The following PTN variants were observed in gnomAD, a reference collection of about 807,000 sequenced individuals.
The protein encoded by PTN is pleiotrophin.
A neutral mutation model predicts 24.1 loss-of-function variants in PTN; 18 were observed. The ratio of observed to expected loss-of-function variants is 0.75; its 90% CI spans 0.52 to 1.11. The LOEUF (loss-of-function observed/expected upper bound fraction) is 1.11, where lower values mean the gene tolerates loss of function less well. Among genes scored for constraint, PTN ranks in the 50% least tolerant of loss-of-function variants. The probability of loss-of-function intolerance (pLI) is 0.00; values close to 1 mark genes in which losing one functional copy is unlikely to be tolerated. For missense variants in PTN, 163 were observed against 198.8 expected, an observed-to-expected ratio of 0.82 and a Z score of 1.08; for synonymous variants, 78 against 68.6, an observed-to-expected ratio of 1.14 and a Z score of -0.67.
intron 4 of PTN, 101 bp from the exon 5 acceptor site, chr7:137,228,176 C>A (rs1424461660): frequency 4.0e-6 from 3 of 747,922 alleles, no homozygotes; most frequent in Non-Finnish European, 6.9e-6. Context: ...ATTGACCAGA[C>A]TGATACACAA....
At chr7:137,319,894 T>C (rs911160156) in intron 1 of PTN, among the ~76,000 whole-genome samples, 1 of 152,164 alleles carries the variant, frequency 6.6e-6, no homozygotes, top group African/African-American at 2.4e-5. Context: ...GAGTCTTATG[T>C]GGTCTAGGTC....
At chr7:137,269,095 G>T (rs1250769209) in intron 1 of PTN, among the ~76,000 whole-genome samples, 1 of 152,030 alleles carries the variant, frequency 6.6e-6, no homozygotes, top group East Asian at 1.9e-4. Flanking sequence ...TATGAGATTT[G>T]ACCTCAATAC....
At chr7:137,284,600 G>C (rs1225509305) in intron 1 of PTN, among the ~76,000 whole-genome samples, 1 of 151,962 alleles carries the variant, frequency 6.6e-6, no homozygotes, top group African/African-American at 2.4e-5. Flanking sequence ...AGAGTATCTT[G>C]GTTTCAGGAA....
chr7:137,281,168 G>A (rs1009893331), intron 1 of PTN, among the ~76,000 whole-genome samples: 3 of 151,798 alleles, frequency 2.0e-5, no homozygotes, highest in Non-Finnish European at 4.4e-5. Flanking sequence ...CCTAATGAAA[G>A]TCTTCAAGAG....
intron 1 of PTN, among the ~76,000 whole-genome samples, chr7:137,277,754 T>C (rs1209190116): frequency 6.6e-6 from 1 of 152,040 alleles, no homozygotes; most frequent in Non-Finnish European, 1.5e-5. Context: ...ATTTTTCATA[T>C]AGATAAGGTA....
At chr7:137,308,868 C>T (rs903121364) in intron 1 of PTN, among the ~76,000 whole-genome samples, 7 of 152,166 alleles carry the variant, frequency 4.6e-5, no homozygotes, top group African/African-American at 1.7e-4. Flanking sequence ...CTGACACTGA[C>T]ATTTTGACCC....
chr7:137,266,019 T>C (rs549254458), intron 1 of PTN, among the ~76,000 whole-genome samples: 1 of 152,356 alleles, frequency 6.6e-6, no homozygotes, highest in Non-Finnish European at 1.5e-5. Context: ...GTGTTATTAA[T>C]GTTAAACTTA....
In PTN at chr7:137,270,786, T is replaced by C. The variant is rs148663450; in HGVS notation, c.-1-15812A>G. Among the ~76,000 whole-genome samples the C allele has an allele frequency of 3.1e-3, 473 of 152,236 alleles. 5 individuals are homozygous for C. Among genetic ancestry groups the C allele is most frequent in the African/African-American group, 0.011 (456 of 41,524 alleles). The stretch of plus-strand genomic sequence containing the variant: ...TCATACACAAGGTAATTTCTGATTG[T>C]GGAAAATTTGTGACAAGAAAATTAA... On this transcript the variant is annotated intron_variant, in intron 1 of 4. Coordinates refer to ENST00000348225, the MANE Select transcript of PTN (RefSeq NM_002825.7).
At chr7:137,275,361 C>A (rs1435793448) in intron 1 of PTN, among the ~76,000 whole-genome samples, 2 of 152,032 alleles carry the variant, frequency 1.3e-5, no homozygotes, top group African/African-American at 2.4e-5. Context: ...GCTGAAGCCC[C>A]AGAATTATCA....
At chr7:137,277,609 A>G (rs1809382084) in intron 1 of PTN, among the ~76,000 whole-genome samples, 1 of 152,274 alleles carries the variant, frequency 6.6e-6, no homozygotes, top group African/African-American at 2.4e-5. Flanking sequence ...TCACTCTGCC[A>G]CCCAGGATGG....
chr7:137,243,549 A>G (rs1053415052), intron 4 of PTN, among the ~76,000 whole-genome samples: 5 of 152,206 alleles, frequency 3.3e-5, no homozygotes, highest in Non-Finnish European at 5.9e-5. Flanking sequence ...ATGCCATGCA[A>G]GACCCTTGAA....
chr7:137,248,186 G>A (rs1187004446), intron 4 of PTN, among the ~76,000 whole-genome samples: 4 of 152,074 alleles, frequency 2.6e-5, no homozygotes, highest in East Asian at 1.9e-4. Flanking sequence ...AATTAGAGAC[G>A]TGCAAAGGAA....
intron 1 of PTN, among the ~76,000 whole-genome samples, chr7:137,301,668 T>A (rs2128878640): frequency 6.6e-6 from 1 of 151,852 alleles, no homozygotes; most frequent in Admixed American, 6.6e-5. Context: ...ACCAATGAGC[T>A]CCTTTATAGA....
intron 1 of PTN, among the ~76,000 whole-genome samples, chr7:137,289,442 C>T (rs1309787830): frequency 6.6e-6 from 1 of 152,146 alleles, no homozygotes; most frequent in Non-Finnish European, 1.5e-5. Context: ...ACCACGAATC[C>T]AAGTGTTGCT....
intron 1 of PTN, among the ~76,000 whole-genome samples, chr7:137,320,023 A>C (rs1324696591): frequency 6.6e-6 from 1 of 152,166 alleles, no homozygotes; most frequent in Non-Finnish European, 1.5e-5. Flanking sequence ...CAGAAAACAA[A>C]TCTCTCTCTC....
chr7:137,312,699 C>G (rs1810003605), intron 1 of PTN, among the ~76,000 whole-genome samples: 1 of 151,870 alleles, frequency 6.6e-6, no homozygotes, highest in Admixed American at 6.6e-5. Context: ...AAGAAAAAGG[C>G]TAGAAAATGC....
intron 1 of PTN, among the ~76,000 whole-genome samples, chr7:137,296,500 A>G (rs540957319): frequency 2.6e-5 from 4 of 152,166 alleles, no homozygotes; most frequent in Admixed American, 6.6e-5. Flanking sequence ...ATCTCTACCA[A>G]TTGCCAGATG....
chr7:137,319,815 G>A (rs1362035686), intron 1 of PTN, among the ~76,000 whole-genome samples: 1 of 152,176 alleles, frequency 6.6e-6, no homozygotes, highest in African/African-American at 2.4e-5. Context: ...GGGACTCCTT[G>A]ACGTTATGGT....
intron 1 of PTN, among the ~76,000 whole-genome samples, chr7:137,334,117 A>G (rs192027608): frequency 5.9e-5 from 9 of 152,190 alleles, no homozygotes; most frequent in Non-Finnish European, 1.3e-4. Flanking sequence ...AATACCATTC[A>G]GGACATAGGC....
Sources: gnomAD v4.1 joint callset for allele counts (sites outside exome capture counted in the v4.1 genomes callset) on GRCh38, gnomAD v4.1.1 for gene constraint, MANE v1.5 for transcripts, NCBI Gene and HGNC (gene_info 2026-07-23, HGNC 2026-07-21) for gene names.